CRTC3: variants seen among roughly 807,000 people sequenced by gnomAD.
CRTC3 encodes CREB-regulated transcription coactivator 3.
In CRTC3, 26 loss-of-function variants were observed where a neutral mutation model predicts 74.5. The observed-to-expected ratio is 0.35, with a 90% CI of 0.26 to 0.48. The LOEUF (loss-of-function observed/expected upper bound fraction) is 0.48, where lower values mean the gene tolerates loss of function less well. CRTC3 is among the 20% of genes least tolerant of loss of function. CRTC3 has a pLI of 0.99. For missense variants in CRTC3, 760 were observed against 787.3 expected, an observed-to-expected ratio of 0.97 and a Z score of 0.41; for synonymous variants, 377 against 325.8, an observed-to-expected ratio of 1.16 and a Z score of -1.69.
chr15:90,626,194 C>T (rs570023695), intron 10 of CRTC3, among the ~76,000 whole-genome samples: 2 of 152,342 alleles, frequency 1.3e-5, no homozygotes, highest in South Asian at 4.1e-4. Context: ...TGGGGCAGCT[C>T]TGCTGAACCT....
At chr15:90,581,118 C>G (rs1375280973) in intron 2 of CRTC3, among the ~76,000 whole-genome samples, 2 of 152,008 alleles carry the variant, frequency 1.3e-5, no homozygotes, top group Non-Finnish European at 1.5e-5. Context: ...TCAGAGGGGT[C>G]TGGTGGCGGC....
At chr15:90,601,375 C>T (rs1968064931) in intron 3 of CRTC3, among the ~76,000 whole-genome samples, 1 of 152,106 alleles carries the variant, frequency 6.6e-6, no homozygotes, top group African/African-American at 2.4e-5. Flanking sequence ...AACCGCCGGG[C>T]GCAGTGGCTC....
chr15:90,604,210 G>T, intron 4 of CRTC3, 175 bp from the exon 5 acceptor site: 1 of 596,096 alleles, frequency 1.7e-6, no homozygotes, highest in Non-Finnish European at 3.1e-6. Flanking sequence ...GGATCATGGA[G>T]TCTTACCTCA....
At chr15:90,535,255 G>A (rs1966699957) in intron 1 of CRTC3, among the ~76,000 whole-genome samples, 1 of 152,172 alleles carries the variant, frequency 6.6e-6, no homozygotes, top group Non-Finnish European at 1.5e-5. Context: ...GGGAGGTGGA[G>A]GAGCTGGCCA....
chr15:90,632,339 T>C (rs1969069703), intron 11 of CRTC3, among the ~76,000 whole-genome samples: 1 of 152,154 alleles, frequency 6.6e-6, no homozygotes, highest in Non-Finnish European at 1.5e-5. Context: ...GTTCTGACTG[T>C]AATCCCAGCT....
intron 5 of CRTC3, among the ~76,000 whole-genome samples, chr15:90,604,896 G>C (rs1968174888): frequency 6.6e-6 from 1 of 152,150 alleles, no homozygotes; most frequent in Non-Finnish European, 1.5e-5. Context: ...ACAAGAATGA[G>C]TATTATTTTC....
intron 2 of CRTC3, among the ~76,000 whole-genome samples, chr15:90,560,309 G>A (rs556248708): frequency 2.6e-5 from 4 of 152,090 alleles, no homozygotes; most frequent in Non-Finnish European, 5.9e-5. Context: ...TCTCATCCTT[G>A]GTTCTACCAG....
At chr15:90,641,305 T>A in intron 14 of CRTC3, 106 bp downstream of exon 14, 2 of 795,054 alleles carry the variant, frequency 2.5e-6, no homozygotes, top group Non-Finnish European at 4.2e-6. Context: ...AGCAAAAAGT[T>A]AACGTTCCCT....
At chr15:90,536,508 G>T (rs1043818821) in intron 1 of CRTC3, among the ~76,000 whole-genome samples, 6 of 140,560 alleles carry the variant, frequency 4.3e-5, no homozygotes, top group African/African-American at 7.7e-5. Flanking sequence ...AAAAAAAATT[G>T]CTCTGACTAT....
Position 90,641,810 on chromosome 15 carries a change from G to C in CRTC3, c.1652-122G>C. 5.4e-6 allele frequency: 4 copies of C among 738,114 alleles called. No homozygotes were observed. In the South Asian group the frequency reaches 6.7e-5, roughly 12 times the overall value. The allele number at this position is 738,114 out of a possible 1,614,324, so 45.7% of individuals were successfully genotyped here. A position where few individuals can be genotyped will look rare whatever the true frequency, so the allele number is the denominator to read the frequency against. ...ATTCCAGGGCAAGAACTGTGGGCCTGGGGGTGGTCAGGATGTGTGGGATAG... is the reference window on the plus strand; with the variant it reads ...ATTCCAGGGCAAGAACTGTGGGCCTCGGGGTGGTCAGGATGTGTGGGATAG... On this transcript the variant is annotated intron_variant, in intron 14 of 14. Coordinates refer to ENST00000268184, the MANE Select transcript of CRTC3 (RefSeq NM_022769.5).
chr15:90,641,310 T>A, intron 14 of CRTC3, 111 bp downstream of exon 14: 1 of 745,426 alleles, frequency 1.3e-6, no homozygotes, highest in Non-Finnish European at 2.3e-6. Flanking sequence ...AAAGTTAACG[T>A]TCCCTGGGTC....
intron 4 of CRTC3, among the ~76,000 whole-genome samples, chr15:90,603,243 A>T (rs1211484393): frequency 6.6e-6 from 1 of 150,808 alleles, no homozygotes; most frequent in Non-Finnish European, 1.5e-5. Flanking sequence ...GGAGATCGAG[A>T]CCATCCTCGC....
chr15:90,590,573 A>G (rs1412299568), intron 2 of CRTC3, among the ~76,000 whole-genome samples: 1 of 152,094 alleles, frequency 6.6e-6, no homozygotes, highest in African/African-American at 2.4e-5. Flanking sequence ...TTGCCCAGGC[A>G]GATCTCAAAT....
chr15:90,589,909 C>T (rs559771913), intron 2 of CRTC3, among the ~76,000 whole-genome samples: 1 of 152,092 alleles, frequency 6.6e-6, no homozygotes, highest in East Asian at 1.9e-4. Flanking sequence ...ATCGCTTGAA[C>T]CCAGGAGGCA....
Position 90,550,448 on chromosome 15 carries a change from GT to G in CRTC3, c.231+10324del, listed in dbSNP as rs34296183. Among the ~76,000 whole-genome samples the G allele has an allele frequency of 2.0e-3, 280 of 142,752 alleles. 4 individuals carry two copies. The highest frequency in any genetic ancestry group is 6.5e-3 in the African/African-American group (253 of 38,644). 93.7% of individuals were successfully genotyped at this position (142,752 alleles called of 152,430 possible). ...TCATTTCCCTTATTTTCCTTTGCCT[GT>G]TTTTTTTTTTTTGAGTCTATAAAAT... On this transcript the variant is annotated intron_variant, in intron 2 of 14. Coordinates refer to ENST00000268184, the MANE Select transcript of CRTC3 (RefSeq NM_022769.5).
intron 2 of CRTC3, among the ~76,000 whole-genome samples, chr15:90,569,775 T>G (rs1329573292): frequency 6.6e-6 from 1 of 152,002 alleles, no homozygotes; most frequent in Admixed American, 6.6e-5. Flanking sequence ...AGACAGAGTC[T>G]CACTATATTG....
At chr15:90,541,790 C>T (rs6496686) in intron 2 of CRTC3, among the ~76,000 whole-genome samples, 112,810 of 132,522 alleles carry the variant, frequency 0.85, 47,948 homozygotes, top group Non-Finnish European at 0.9. Context: ...TTCTTTTTTT[C>T]TTTTTTTTTT....
intron 7 of CRTC3, among the ~76,000 whole-genome samples, chr15:90,616,064 C>T (rs1385777903): frequency 6.6e-6 from 1 of 151,774 alleles, no homozygotes; most frequent in Non-Finnish European, 1.5e-5. Context: ...TGGAATTTTG[C>T]CGCATTGTCC....
At chr15:90,533,422 G>GTAA in intron 1 of CRTC3, among the ~76,000 whole-genome samples, 1 of 138,882 alleles carries the variant, frequency 7.2e-6, no homozygotes. Flanking sequence ...CTCCGCCTAG[G>GTAA]AAAAAAAAAA....
Sources: allele counts gnomAD v4.1 joint callset (sites outside exome capture counted in the v4.1 genomes callset), GRCh38; gene constraint gnomAD v4.1.1; transcripts MANE v1.5; gene names NCBI Gene and HGNC (gene_info 2026-07-23, HGNC 2026-07-21).